The following NCOA2 variants were observed in gnomAD, a reference collection of about 807,000 sequenced individuals.
NCOA2 encodes the protein nuclear receptor coactivator 2.
NCOA2 carries 21 observed loss-of-function variants against 145.1 expected under a neutral mutation model. The observed-to-expected ratio is 0.14, with a 90% CI of 0.10 to 0.21. The LOEUF is 0.21. NCOA2 is among the 10% of genes least tolerant of loss of function. The pLI is 1.00. For missense variants in NCOA2, 1,472 were observed against 1,837.6 expected (o/e 0.80, Z 3.64); for synonymous variants, 619 against 637.5 (o/e 0.97, Z 0.44).
chr8:70,184,786 T>A (rs895982343), intron 4 of NCOA2, among the ~76,000 whole-genome samples: 1 of 152,214 alleles, frequency 6.6e-6, no homozygotes. Context: ...CTCATTTCTA[T>A]GAAGCTTGCA....
At chr8:70,199,759 C>T (rs1817696739) in intron 4 of NCOA2, among the ~76,000 whole-genome samples, 1 of 152,204 alleles carries the variant, frequency 6.6e-6, no homozygotes, top group Non-Finnish European at 1.5e-5. Flanking sequence ...CCACATCCTG[C>T]CATCTCCCTA....
At chr8:70,215,502 T>C (rs1265356085) in intron 3 of NCOA2, among the ~76,000 whole-genome samples, 1 of 151,698 alleles carries the variant, frequency 6.6e-6, no homozygotes, top group Non-Finnish European at 1.5e-5. Flanking sequence ...ATGTAGAGAG[T>C]GGAGATTTAT....
At chr8:70,359,799 T>C (rs1363174945) in intron 1 of NCOA2, among the ~76,000 whole-genome samples, 1 of 152,216 alleles carries the variant, frequency 6.6e-6, no homozygotes, top group East Asian at 1.9e-4. Flanking sequence ...TGTGCTGGCC[T>C]GCAAAAGGAC....
At chr8:70,451,008 G>A in the NCOA2 span, among the ~76,000 whole-genome samples, 1 of 150,320 alleles carries the variant, frequency 6.7e-6, no homozygotes, top group East Asian at 1.9e-4. Flanking sequence ...TTGAGCCCAG[G>A]AGTTCAAGAA....
intron 1 of NCOA2, among the ~76,000 whole-genome samples, chr8:70,329,594 T>C (rs1437956478): frequency 6.6e-6 from 1 of 151,960 alleles, no homozygotes; most frequent in Admixed American, 6.6e-5. Context: ...AGGGCTCATG[T>C]CCACAAAAAA....
rs556069952 is a variant in NCOA2 at position 70,345,305 on chromosome 8, T to C, written c.-76-48505A>G. Reference sequence around the variant, plus strand: ...CTCTGCTCAGAGTTGTCTTCAAATTTAGAAATGTATTTTTTCAGCCAGATA... The same window carrying C: ...CTCTGCTCAGAGTTGTCTTCAAATTCAGAAATGTATTTTTTCAGCCAGATA... On this transcript the variant is annotated intron_variant, in intron 1 of 22. Coordinates refer to ENST00000452400, the MANE Select transcript of NCOA2 (RefSeq NM_006540.4). 2.0e-5 allele frequency among the ~76,000 whole-genome samples: 3 copies of C among 152,300 alleles called. No individual in the cohort carries two copies. The South Asian group carries it at 6.2e-4, about 32-fold the overall frequency.
At chr8:70,262,677 A>C (rs181945449) in intron 2 of NCOA2, among the ~76,000 whole-genome samples, 1 of 152,236 alleles carries the variant, frequency 6.6e-6, no homozygotes, top group Non-Finnish European at 1.5e-5. Context: ...ATGCTAAAAA[A>C]ACAGTGGCAG....
chr8:70,250,394 A>C (rs1259854221), intron 2 of NCOA2, among the ~76,000 whole-genome samples: 6 of 8,840 alleles, frequency 6.8e-4, no homozygotes, highest in African/African-American at 3.6e-3. Flanking sequence ...CCCTGTCTCA[A>C]AAAAAAAAAA....
chr8:70,428,118 T>C, the NCOA2 span, among the ~76,000 whole-genome samples: 1 of 151,918 alleles, frequency 6.6e-6, no homozygotes, highest in African/African-American at 2.4e-5. Context: ...CATGGCAGGA[T>C]TGATAAAAAT....
At chr8:70,205,775 T>C (rs920822959) in intron 4 of NCOA2, among the ~76,000 whole-genome samples, 1 of 152,138 alleles carries the variant, frequency 6.6e-6, no homozygotes, top group South Asian at 2.1e-4. Flanking sequence ...ACTAGTCTTC[T>C]ATGGTGAGGG....
intron 1 of NCOA2, among the ~76,000 whole-genome samples, chr8:70,371,288 CAAAT>C (rs554177008): frequency 6.6e-6 from 1 of 151,292 alleles, no homozygotes; most frequent in Non-Finnish European, 1.5e-5. Flanking sequence ...GACTCAGTCT[CAAAT>C]AAATAAATAA....
At chr8:70,211,456 AAAAAAAAAG>A (rs1426453190) in intron 4 of NCOA2, among the ~76,000 whole-genome samples, 108 of 151,856 alleles carry the variant, frequency 7.1e-4, no homozygotes, top group African/African-American at 2.4e-3. Flanking sequence ...AAGACTCCAA[AAAAAAAAAG>A]AAAAAAAAAG....
At chr8:70,408,957 G>A in the NCOA2 span, among the ~76,000 whole-genome samples, 1 of 152,010 alleles carries the variant, frequency 6.6e-6, no homozygotes, top group South Asian at 2.1e-4. Flanking sequence ...CAAGAGATGG[G>A]ACCAGGTATA....
At chr8:70,218,316 A>G (rs1387632216) in intron 2 of NCOA2, among the ~76,000 whole-genome samples, 2 of 151,820 alleles carry the variant, frequency 1.3e-5, no homozygotes, top group Admixed American at 6.6e-5. Flanking sequence ...ACAGAAGGGA[A>G]TAATTCTCAA....
At chr8:70,335,122 CAAAAAAAAAA>C (rs59460365) in intron 1 of NCOA2, among the ~76,000 whole-genome samples, 14 of 29,446 alleles carry the variant, frequency 4.8e-4, no homozygotes, top group Admixed American at 1.8e-3. Flanking sequence ...GACTCCATCT[CAAAAAAAAAA>C]AAAAAAAAAA....
At chr8:70,127,516 G>C (rs1233673995) in intron 18 of NCOA2, among the ~76,000 whole-genome samples, 1 of 152,150 alleles carries the variant, frequency 6.6e-6, no homozygotes. Context: ...AGAGCGAGGA[G>C]AGTGCCTGAT....
At chr8:70,339,809 C>A (rs1003482400) in intron 1 of NCOA2, among the ~76,000 whole-genome samples, 2 of 152,084 alleles carry the variant, frequency 1.3e-5, no homozygotes, top group East Asian at 3.9e-4. Context: ...ATCTGATCTT[C>A]AACAAACCTG....
chr8:70,313,033 T>G (rs1167716215), intron 1 of NCOA2, among the ~76,000 whole-genome samples: 1 of 152,190 alleles, frequency 6.6e-6, no homozygotes, highest in African/African-American at 2.4e-5. Flanking sequence ...GAATCCATCT[T>G]AAACTATTAC....
intron 2 of NCOA2, among the ~76,000 whole-genome samples, chr8:70,292,917 G>A (rs920785869): frequency 6.6e-6 from 1 of 152,204 alleles, no homozygotes; most frequent in African/African-American, 2.4e-5. Context: ...TCATTTCAAT[G>A]TGAGCCTACA....
Sources: allele counts gnomAD v4.1 joint callset (sites outside exome capture counted in the v4.1 genomes callset), GRCh38; gene constraint gnomAD v4.1.1; transcripts MANE v1.5; gene names NCBI Gene and HGNC (gene_info 2026-07-23, HGNC 2026-07-21).